CMAS: variants seen among roughly 807,000 people sequenced by gnomAD.
The protein encoded by CMAS is cytidine monophosphate N-acetylneuraminic acid synthetase.
In CMAS, 21 loss-of-function variants were observed where a neutral mutation model predicts 53.4. The observed-to-expected ratio is 0.39, with a 90% confidence interval of 0.28 to 0.57. CMAS has a LOEUF of 0.57. Among genes scored for constraint, CMAS ranks in the 20% least tolerant of loss-of-function variants. The pLI, the probability that CMAS is intolerant of heterozygous loss-of-function variation, is 0.56. For missense variants in CMAS, 384 were observed against 534.9 expected (o/e 0.72, Z 2.78); for synonymous variants, 189 against 195.2 (o/e 0.97, Z 0.27).
chr12:22,060,859 C>G lies in CMAS; in HGVS notation c.721C>G (p.Arg241Gly), dbSNP rs868774044. The change falls in exon 5 of 8, where the codon CGA becomes GGA. Residue 241 changes from arginine (R) to glycine (G), a missense_variant. By Grantham distance (125) the Arg-to-Gly change is moderately radical. This residue lies in a region of CMAS where 139 missense variants were observed against 248.0 expected (regional missense o/e 0.56). Transcript: ENST00000229329. Reference sequence around the variant, plus strand: ...TGGAAAAATGGCATACTACGAAATGCGAGCTGAACATAGTGTGGATATAGA... The same window carrying G: ...TGGAAAAATGGCATACTACGAAATGGGAGCTGAACATAGTGTGGATATAGA... Reference protein sequence around the residue: ...QGGKMAYYEMRAEHSVDIDVD... With the variant: ...QGGKMAYYEMGAEHSVDIDVD... 6 of 1,610,692 alleles carry G rather than the reference C, an allele frequency of 3.7e-6. No homozygotes were observed. The highest frequency in any genetic ancestry group is 2.2e-5 in the South Asian group (2 of 90,952).
In CMAS at chr12:22,065,177, G is replaced by C; in HGVS notation, c.1171G>C (p.Ala391Pro). The C allele has an allele frequency of 6.2e-7, 1 of 1,614,100 alleles. No individual in the cohort carries two copies. The highest frequency in any genetic ancestry group is 8.5e-7 in the Non-Finnish European group (1 of 1,179,950). The change falls in exon 8 of 8, where the codon GCT becomes CCT. Residue 391 changes from alanine to proline, a missense_variant. This residue lies in a region of CMAS where 134 missense variants were observed against 154.6 expected (regional missense o/e 0.87). Coordinates refer to ENST00000229329, the MANE Select transcript of CMAS (RefSeq NM_018686.6). ...LKRVGLSGAP[A>P]DACSTAQKAV... ...GAGAGTGGGCCTAAGTGGCGCTCCT[G>C]CTGATGCCTGTTCTACTGCCCAGAA... is the stretch of plus-strand genomic sequence containing the variant.
Position 22,055,251 on chromosome 12 carries a change from C to T in CMAS, c.363C>T (p.Thr121=). The T allele has an allele frequency of 6.2e-7, 1 of 1,609,588 alleles. No homozygotes were observed. The highest frequency in any genetic ancestry group is 2.2e-5 in the East Asian group (1 of 44,800). ...RSSEVSKDSS[T]SLDAIIEFLN... is the part of the protein sequence containing the mutation. ...CTGAAGTTTCAAAAGACAGCTCTAC[C>T]TCACTAGATGCCATCATAGAATTTC... The change falls in exon 2 of 8, where the codon ACC becomes ACT. Residue 121 remains threonine, a synonymous_variant. Transcript: ENST00000229329.
At chr12:22,061,483 A>G (rs748772038) in intron 6 of CMAS, 31 bp downstream of exon 6, 12 of 1,404,384 alleles carry the variant, frequency 8.5e-6, no homozygotes, top group Non-Finnish European at 1.1e-5. Context: ...GCAGTATTTT[A>G]TAATATTTTG....
chr12:22,047,673 A>G (rs1028076039), intron 1 of CMAS, among the ~76,000 whole-genome samples: 1 of 152,194 alleles, frequency 6.6e-6, no homozygotes, highest in Non-Finnish European at 1.5e-5. Flanking sequence ...CTAGTGCAAT[A>G]GGAAGTGTGC....
chr12:22,056,818 T>G (rs1950271309), intron 3 of CMAS, among the ~76,000 whole-genome samples: 1 of 152,202 alleles, frequency 6.6e-6, no homozygotes. Flanking sequence ...TCCCTCTGAT[T>G]ATGCAAAGCT....
At chr12:22,058,294 G>A (rs1277020752) in intron 3 of CMAS, among the ~76,000 whole-genome samples, 2 of 151,362 alleles carry the variant, frequency 1.3e-5, no homozygotes, top group East Asian at 2.0e-4. Context: ...GTGTGGTGGT[G>A]CATGCCTGTA....
intron 1 of CMAS, among the ~76,000 whole-genome samples, chr12:22,052,716 C>G (rs1341693832): frequency 6.6e-6 from 1 of 151,734 alleles, no homozygotes; most frequent in Non-Finnish European, 1.5e-5. Flanking sequence ...CATTTTTTTC[C>G]CACTATTTCA....
intron 6 of CMAS, 58 bp downstream of exon 6, chr12:22,061,510 C>A: frequency 1.6e-6 from 2 of 1,218,278 alleles, no homozygotes; most frequent in Non-Finnish European, 2.3e-6. Flanking sequence ...GGTCAAAGAA[C>A]ATGCAAGGAA....
Position 22,065,610 on chromosome 12 carries a change from G to C in CMAS, c.*299G>C, listed in dbSNP as rs1591796495. The C allele has an allele frequency of 4.5e-6, 1 of 224,340 alleles. No homozygotes were observed. Among genetic ancestry groups the C allele is most frequent in the East Asian group, 9.0e-5 (1 of 11,088 alleles). The allele number at this position is 224,340 out of a possible 1,614,324, so 13.9% of individuals were successfully genotyped here. A position where few individuals can be genotyped will look rare whatever the true frequency, so the allele number is the denominator to read the frequency against. Reference sequence around the variant, plus strand: ...GATGTTGGGATTTTATTTATCTGGGGACAGTGTGTATGGTAAGACATGCCC... The same window carrying C: ...GATGTTGGGATTTTATTTATCTGGGCACAGTGTGTATGGTAAGACATGCCC... On this transcript the variant is annotated 3_prime_UTR_variant, in exon 8 of 8. Coordinates refer to ENST00000229329, the MANE Select transcript of CMAS (RefSeq NM_018686.6).
intron 3 of CMAS, 150 bp downstream of exon 3, chr12:22,055,760 C>G (rs955477439): frequency 1.5e-6 from 1 of 660,478 alleles, no homozygotes. Flanking sequence ...CATTTACAAT[C>G]AGCTGTAAAT....
chr12:22,057,219 C>T (rs12816759), intron 3 of CMAS, among the ~76,000 whole-genome samples: 22,109 of 139,518 alleles, frequency 0.16, 2,230 homozygotes, highest in East Asian at 0.52. Context: ...GGAGAGTAAC[C>T]AGCTATTACA....
chr12:22,065,075 T>G lies in CMAS; in HGVS notation c.1115-46T>G, dbSNP rs780117957. 6 of 1,494,918 alleles carry G rather than the reference T, an allele frequency of 4.0e-6. No homozygotes were observed. The South Asian group carries it at 7.4e-5, about 18-fold the overall frequency. The allele number at this position is 1,494,918 out of a possible 1,614,324, so 92.6% of individuals were successfully genotyped here. On this transcript the variant is annotated intron_variant, in intron 7 of 7. Transcript: ENST00000229329. ...TGTCTGCATTATTTAGCTAGAATAT[T>G]CTTTGTCTCTTTAAATGTTTGCTCA...
chr12:22,053,654 C>T (rs553459360), intron 1 of CMAS, among the ~76,000 whole-genome samples: 34 of 150,454 alleles, frequency 2.3e-4, no homozygotes, highest in Middle Eastern at 6.8e-3. Flanking sequence ...CCGAGACGGG[C>T]GGATCACGAG....
chr12:22,046,553 G>T lies in CMAS; in HGVS notation c.250G>T (p.Ala84Ser). ...CCTGCGTGCGGCCCTGGATTCAGGG[G>T]CCTTCCAGAGGTGCGCATGTGCGAG... ...WVLRAALDSG[A>S]FQSVWVSTDH... is the part of the protein sequence containing the mutation. The change falls in exon 1 of 8, where the codon GCC becomes TCC. Residue 84 changes from alanine (A) to serine (S), a missense_variant. Physicochemically the swap from Ala to Ser is moderately conservative, Grantham distance 99. Coordinates refer to ENST00000229329, the MANE Select transcript of CMAS (RefSeq NM_018686.6). 1 of 1,589,974 alleles carries T rather than the reference G, an allele frequency of 6.3e-7. No individual in the cohort carries two copies. Among genetic ancestry groups the T allele is most frequent in the South Asian group, 1.1e-5 (1 of 87,394 alleles).
intron 4 of CMAS, among the ~76,000 whole-genome samples, chr12:22,059,152 T>A (rs34167984): frequency 0.37 from 45,032 of 121,274 alleles, 7,251 homozygotes; most frequent in Middle Eastern, 0.42. Context: ...ATATATATTT[T>A]TTTTTTTTTT....
chr12:22,055,346 T>G (rs1204160844), intron 2 of CMAS, 55 bp downstream of exon 2: 2 of 1,487,572 alleles, frequency 1.3e-6, no homozygotes, highest in East Asian at 4.7e-5. Context: ...CTACTTCCTT[T>G]ATTATCTTAT....
intron 1 of CMAS, among the ~76,000 whole-genome samples, chr12:22,049,998 A>G (rs898541549): frequency 6.6e-6 from 1 of 152,204 alleles, no homozygotes; most frequent in African/African-American, 2.4e-5. Flanking sequence ...ACTCTGTTCA[A>G]GTTTTGTGGC....
chr12:22,065,509 TA>T lies in CMAS; in HGVS notation c.*201del, dbSNP rs1310701299. On this transcript the variant is annotated 3_prime_UTR_variant, in exon 8 of 8. Coordinates refer to ENST00000229329, the MANE Select transcript of CMAS (RefSeq NM_018686.6). ...ATTACAGTCTTTCTCAGATTTTTAGTAAATGCAAGTAAGAACATCATCAAAG... is the reference window on the plus strand; with the variant it reads ...ATTACAGTCTTTCTCAGATTTTTAGTAATGCAAGTAAGAACATCATCAAAG... 1 of 513,152 alleles carries T rather than the reference TA, an allele frequency of 1.9e-6. No individual in the cohort carries two copies. Among genetic ancestry groups the T allele is most frequent in the Admixed American group, 3.2e-5 (1 of 30,934 alleles). 31.8% of individuals were successfully genotyped at this position (513,152 alleles called of 1,614,324 possible). A position where few individuals can be genotyped will look rare whatever the true frequency, so the allele number is the denominator to read the frequency against.
chr12:22,058,780 A>G, intron 4 of CMAS, 80 bp downstream of exon 4: 1 of 1,479,134 alleles, frequency 6.8e-7, no homozygotes, highest in Non-Finnish European at 9.1e-7. Context: ...GTATGGTACA[A>G]TTTCTTTATG....
Sources: allele counts gnomAD v4.1 joint callset (sites outside exome capture counted in the v4.1 genomes callset), GRCh38; gene constraint gnomAD v4.1.1; regional missense constraint gnomAD v4.1.1; transcripts MANE v1.5; gene names NCBI Gene and HGNC (gene_info 2026-07-23, HGNC 2026-07-21).